The following SLC39A11 variants were observed in gnomAD, a reference collection of about 807,000 sequenced individuals.
SLC39A11 encodes the protein zinc transporter ZIP11.
A neutral mutation model predicts 36.1 loss-of-function variants in SLC39A11; 33 were observed. That is an observed-to-expected ratio of 0.91 (90% CI 0.69 to 1.22). The LOEUF (loss-of-function observed/expected upper bound fraction) is 1.22, where lower values mean the gene tolerates loss of function less well. Among genes scored for constraint, SLC39A11 ranks in the 50% most tolerant of loss-of-function variants. The pLI is 0.00. For synonymous variants in SLC39A11, 166 were observed against 170.3 expected (o/e 0.97, Z 0.20); for missense variants, 432 against 430.3 (o/e 1.00, Z -0.03).
chr17:73,090,309 G>A (rs1298303099), intron 1 of SLC39A11, among the ~76,000 whole-genome samples: 1 of 152,144 alleles, frequency 6.6e-6, no homozygotes, highest in East Asian at 1.9e-4. Flanking sequence ...CAGAAACTCT[G>A]AGATAAATAG....
chr17:73,065,278 G>A (rs751147889), intron 3 of SLC39A11, among the ~76,000 whole-genome samples: 3 of 152,056 alleles, frequency 2.0e-5, no homozygotes, highest in African/African-American at 4.8e-5. Context: ...GGTGGCAGGC[G>A]CCTGTGATCC....
chr17:72,796,163 G>A (rs2076888912), intron 6 of SLC39A11, among the ~76,000 whole-genome samples: 1 of 152,134 alleles, frequency 6.6e-6, no homozygotes, highest in Non-Finnish European at 1.5e-5. Context: ...CAGGCAGCAG[G>A]AAACTCCTTA....
intron 3 of SLC39A11, among the ~76,000 whole-genome samples, chr17:73,077,868 T>C (rs943730996): frequency 1.3e-5 from 2 of 152,150 alleles, no homozygotes; most frequent in African/African-American, 4.8e-5. Context: ...CTCTATCTGG[T>C]TTTGTTGGTT....
intron 6 of SLC39A11, among the ~76,000 whole-genome samples, chr17:72,804,996 C>T (rs1433732392): frequency 6.6e-6 from 1 of 152,106 alleles, no homozygotes; most frequent in Non-Finnish European, 1.5e-5. Context: ...AGCCTGGTGA[C>T]AGAGCAAGAC....
chr17:72,881,521 C>G (rs934102869), intron 5 of SLC39A11, among the ~76,000 whole-genome samples: 1 of 152,144 alleles, frequency 6.6e-6, no homozygotes, highest in Non-Finnish European at 1.5e-5. Flanking sequence ...TCCAGAGCCT[C>G]TAAATGTTAA....
At chr17:72,763,625 GAATAA>G (rs1022171123) in intron 6 of SLC39A11, among the ~76,000 whole-genome samples, 1 of 152,118 alleles carries the variant, frequency 6.6e-6, no homozygotes, top group African/African-American at 2.4e-5. Context: ...GACTGTATCT[GAATAA>G]AATAAAATTC....
intron 4 of SLC39A11, among the ~76,000 whole-genome samples, chr17:73,010,192 C>CTGGG (rs1476199461): frequency 6.6e-6 from 1 of 152,040 alleles, no homozygotes; most frequent in East Asian, 1.9e-4. Flanking sequence ...GGCACAGAGT[C>CTGGG]TGGGGTGGGG....
chr17:72,919,310 G>GA (rs2083505968), intron 5 of SLC39A11, among the ~76,000 whole-genome samples: 1 of 151,810 alleles, frequency 6.6e-6, no homozygotes, highest in African/African-American at 2.4e-5. Context: ...AAGCCATTTG[G>GA]AAAAACAAAA....
At chr17:72,698,991 TA>T (rs1369090031) in intron 7 of SLC39A11, among the ~76,000 whole-genome samples, 182 of 152,104 alleles carry the variant, frequency 1.2e-3, no homozygotes, top group Non-Finnish European at 1.8e-3. Flanking sequence ...CCACCACACC[TA>T]GATAATTTTT....
At chr17:72,672,174 G>A (rs1376739898) in intron 7 of SLC39A11, among the ~76,000 whole-genome samples, 1 of 152,132 alleles carries the variant, frequency 6.6e-6, no homozygotes, top group South Asian at 2.1e-4. Context: ...TTCAGGCTGG[G>A]CGCATGGCTC....
At chr17:72,688,641 A>G (rs1210252273) in intron 7 of SLC39A11, among the ~76,000 whole-genome samples, 4 of 152,184 alleles carry the variant, frequency 2.6e-5, no homozygotes, top group Non-Finnish European at 5.9e-5. Context: ...TATACTTTTC[A>G]CAGTAGTTTC....
intron 6 of SLC39A11, chr17:72,821,810 G>A (rs1423093584): frequency 6.6e-6 from 1 of 151,452 alleles, no homozygotes; most frequent in Non-Finnish European, 1.5e-5. Flanking sequence ...CATGAGGCAA[G>A]GATCACAGGT....
chr17:72,897,485 T>C (rs552784680), intron 5 of SLC39A11, among the ~76,000 whole-genome samples: 11 of 152,142 alleles, frequency 7.2e-5, no homozygotes, highest in African/African-American at 9.7e-5. Flanking sequence ...CAGAGCCAAG[T>C]GTTTGGGGCT....
chr17:72,689,173 G>A (rs11657319), intron 7 of SLC39A11, among the ~76,000 whole-genome samples: 89,815 of 152,034 alleles, frequency 0.59, 27,057 homozygotes, highest in South Asian at 0.7. Flanking sequence ...CCCGATGCTC[G>A]ACTGTACTCA....
chr17:72,670,160 TACACACACACACACACACACACAC>T (rs202032502), intron 7 of SLC39A11, among the ~76,000 whole-genome samples: 22 of 104,684 alleles, frequency 2.1e-4, no homozygotes, highest in East Asian at 1.2e-3. Flanking sequence ...ACATTTTATA[TACACACACACACACACACACACAC>T]ACACACACAC....
intron 4 of SLC39A11, among the ~76,000 whole-genome samples, chr17:73,004,223 G>GAA (rs370406289): frequency 1.3e-5 from 1 of 78,960 alleles, no homozygotes; most frequent in Non-Finnish European, 2.6e-5. Flanking sequence ...AAGAAAGAAA[G>GAA]AAAGAAAGAA....
At chr17:73,025,783 C>G (rs2058514904) in intron 4 of SLC39A11, among the ~76,000 whole-genome samples, 1 of 152,084 alleles carries the variant, frequency 6.6e-6, no homozygotes, top group Non-Finnish European at 1.5e-5. Flanking sequence ...GTTTATATTT[C>G]AATAATTAAA....
rs1411669236 is a variant in SLC39A11, at chr17:72,859,655, G to A, written c.431-9851C>T. The stretch of plus-strand genomic sequence containing the variant: ...TCATCTCCATGTAAAATCTATGCAG[G>A]ATGTGCTACATGGGCCACGTGTAGC... On this transcript the variant is annotated intron_variant, in intron 5 of 9. Coordinates refer to ENST00000255559, the MANE Select transcript of SLC39A11 (RefSeq NM_139177.4). Among the ~76,000 whole-genome samples the A allele has an allele frequency of 3.3e-5, 5 of 151,490 alleles. No individual in the cohort carries two copies. The East Asian group carries it at 8.0e-4, about 24-fold the overall frequency.
At chr17:72,905,697 A>G (rs1056712019) in intron 5 of SLC39A11, among the ~76,000 whole-genome samples, 5 of 151,642 alleles carry the variant, frequency 3.3e-5, no homozygotes, top group African/African-American at 1.2e-4. Context: ...GCTCTACCCA[A>G]CATCTACTGT....
Sources: gnomAD v4.1 joint callset for allele counts (sites outside exome capture counted in the v4.1 genomes callset) on GRCh38, gnomAD v4.1.1 for gene constraint, MANE v1.5 for transcripts, NCBI Gene and HGNC (gene_info 2026-07-23, HGNC 2026-07-21) for gene names.